PKNOX2: variants seen among roughly 807,000 people sequenced by gnomAD.
PKNOX2 encodes PBX/knotted 1 homeobox 2.
PKNOX2 carries 14 observed loss-of-function variants against 53.1 expected under a neutral mutation model. The ratio of observed to expected loss-of-function variants is 0.26; its 90% CI spans 0.17 to 0.41. The LOEUF (loss-of-function observed/expected upper bound fraction) is 0.41, where lower values mean the gene tolerates loss of function less well. Ranked by LOEUF, PKNOX2 falls within the 10% of genes least tolerant of loss-of-function variation. PKNOX2 has a pLI of 1.00. For missense variants in PKNOX2, 496 were observed against 602.8 expected (o/e 0.82, Z 1.85); for synonymous variants, 257 against 242.8 (o/e 1.06, Z -0.54).
chr11:125,414,240 C>A (rs1452956536), intron 10 of PKNOX2, among the ~76,000 whole-genome samples: 1 of 152,190 alleles, frequency 6.6e-6, no homozygotes, highest in African/African-American at 2.4e-5. Context: ...AGGCTGGCAT[C>A]TACAGAAAGC....
intron 1 of PKNOX2, among the ~76,000 whole-genome samples, chr11:125,181,258 C>T (rs12224215): frequency 0.41 from 62,726 of 151,664 alleles, 12,968 homozygotes; most frequent in East Asian, 0.46. Flanking sequence ...GGTGTTCTCT[C>T]ACCAGCACTC....
chr11:125,306,797 G>A (rs1948490646), intron 2 of PKNOX2, among the ~76,000 whole-genome samples: 1 of 152,174 alleles, frequency 6.6e-6, no homozygotes, highest in South Asian at 2.1e-4. Context: ...CGGACCATGG[G>A]CTCTCTGGGG....
Position 125,307,963 on chromosome 11 carries a change from G to C in PKNOX2, c.-129-23856G>C, listed in dbSNP as rs531144854. Among the ~76,000 whole-genome samples, 103 of 152,334 alleles carry C rather than the reference G, an allele frequency of 6.8e-4. 1 individual carries two copies. Among genetic ancestry groups the C allele is most frequent in the African/African-American group, 2.4e-3 (98 of 41,578 alleles). ...ACAAAATGTACTGCCAAGGCTAGGG[G>C]CCTTGATGGATGAGCAAGACCCAAA... On this transcript the variant is annotated intron_variant, in intron 2 of 12. Transcript: ENST00000298282.
intron 3 of PKNOX2, among the ~76,000 whole-genome samples, chr11:125,341,601 C>A (rs1158168422): frequency 6.6e-6 from 1 of 152,152 alleles, no homozygotes; most frequent in Non-Finnish European, 1.5e-5. Flanking sequence ...CAGAAACATG[C>A]ATGATGATTA....
At chr11:125,180,901 A>G (rs1280114422) in intron 1 of PKNOX2, among the ~76,000 whole-genome samples, 1 of 152,222 alleles carries the variant, frequency 6.6e-6, no homozygotes, top group African/African-American at 2.4e-5. Flanking sequence ...ATCCACAGGA[A>G]ATGATTATTT....
At chr11:125,382,429 G>A (rs184713037) in intron 5 of PKNOX2, among the ~76,000 whole-genome samples, 111 of 152,322 alleles carry the variant, frequency 7.3e-4, no homozygotes, top group Non-Finnish European at 3.1e-4. Flanking sequence ...AGCGGGGGCC[G>A]CACCCCCACC....
chr11:125,322,236 G>A (rs1363777648), intron 2 of PKNOX2, among the ~76,000 whole-genome samples: 2 of 152,144 alleles, frequency 1.3e-5, no homozygotes, highest in Non-Finnish European at 2.9e-5. Flanking sequence ...ATGTTTTTGA[G>A]CATAGGAATG....
chr11:125,314,614 G>A (rs1276781521), intron 2 of PKNOX2, among the ~76,000 whole-genome samples: 4 of 152,140 alleles, frequency 2.6e-5, no homozygotes, highest in African/African-American at 7.2e-5. Context: ...CGAGAGCCGG[G>A]CTAGATGCCC....
intron 2 of PKNOX2, among the ~76,000 whole-genome samples, chr11:125,288,793 C>G (rs983549738): frequency 1.3e-5 from 2 of 152,226 alleles, no homozygotes; most frequent in Admixed American, 6.5e-5. Context: ...TGAGAAATGC[C>G]TTAGCATGCC....
rs570650694 is a variant in PKNOX2 at position 125,377,252 on chromosome 11, C to T, written c.228-8299C>T. Among the ~76,000 whole-genome samples, 5 of 152,308 alleles carry T rather than the reference C, an allele frequency of 3.3e-5. No individual in the cohort carries two copies. The South Asian group carries it at 1.0e-3, about 32-fold the overall frequency. The stretch of plus-strand genomic sequence containing the variant: ...GAGGCTCCAAAAATTCAGTAACTTA[C>T]CCAAAGTGTAGCTTATTTCAGACCA... On this transcript the variant is annotated intron_variant, in intron 5 of 12. Transcript: ENST00000298282.
At chr11:125,280,596 C>T (rs1345227990) in intron 2 of PKNOX2, among the ~76,000 whole-genome samples, 1 of 152,142 alleles carries the variant, frequency 6.6e-6, no homozygotes, top group Admixed American at 6.5e-5. Context: ...GGAATATCTC[C>T]AGGAAACCCT....
intron 1 of PKNOX2, among the ~76,000 whole-genome samples, chr11:125,186,528 T>G (rs1184004406): frequency 6.6e-6 from 1 of 152,180 alleles, no homozygotes; most frequent in African/African-American, 2.4e-5. Flanking sequence ...GGCATGTGCC[T>G]GTAGTCCCAG....
chr11:125,405,293 C>T (rs1266366183), intron 7 of PKNOX2, among the ~76,000 whole-genome samples: 1 of 152,226 alleles, frequency 6.6e-6, no homozygotes, highest in Non-Finnish European at 1.5e-5. Flanking sequence ...ACTTTTCTGT[C>T]ATTTATCTCC....
intron 2 of PKNOX2, among the ~76,000 whole-genome samples, chr11:125,275,412 T>C (rs1273567665): frequency 7.9e-5 from 12 of 152,028 alleles, no homozygotes; most frequent in African/African-American, 2.9e-4. Context: ...GAGAGTGTCT[T>C]AGGAGGCCAC....
intron 1 of PKNOX2, among the ~76,000 whole-genome samples, chr11:125,169,955 C>A (rs1008858629): frequency 1.3e-5 from 2 of 152,218 alleles, no homozygotes; most frequent in African/African-American, 2.4e-5. Context: ...AATGGTGTTA[C>A]CTGGAATAGC....
At chr11:125,217,824 A>G (rs1940690741) in intron 1 of PKNOX2, among the ~76,000 whole-genome samples, 1 of 152,210 alleles carries the variant, frequency 6.6e-6, no homozygotes, top group East Asian at 1.9e-4. Flanking sequence ...CATCTTCACA[A>G]TGGCCTCCTG....
intron 2 of PKNOX2, among the ~76,000 whole-genome samples, chr11:125,245,160 G>A (rs922110214): frequency 6.6e-6 from 1 of 152,182 alleles, no homozygotes; most frequent in Non-Finnish European, 1.5e-5. Context: ...CAGCCTTGGT[G>A]GCTGGCTGAG....
intron 5 of PKNOX2, among the ~76,000 whole-genome samples, chr11:125,374,287 G>A (rs1952715976): frequency 6.6e-6 from 1 of 152,098 alleles, no homozygotes; most frequent in Non-Finnish European, 1.5e-5. Flanking sequence ...GATGCTTCGT[G>A]CCAGGGCCTC....
At chr11:125,242,508 G>A (rs965065482) in intron 2 of PKNOX2, among the ~76,000 whole-genome samples, 2 of 152,314 alleles carry the variant, frequency 1.3e-5, no homozygotes, top group East Asian at 1.9e-4. Flanking sequence ...CCTGAGTGGT[G>A]CACAGGCCCT....
Sources: gnomAD v4.1 joint callset for allele counts (sites outside exome capture counted in the v4.1 genomes callset) on GRCh38, gnomAD v4.1.1 for gene constraint, MANE v1.5 for transcripts, NCBI Gene and HGNC (gene_info 2026-07-23, HGNC 2026-07-21) for gene names.